NUP214: variants seen among roughly 807,000 people sequenced by gnomAD.
NUP214 encodes nucleoporin 214.
In NUP214, 79 loss-of-function variants were observed where a neutral mutation model predicts 196.2. That is an observed-to-expected ratio of 0.40 (90% CI 0.34 to 0.49). The LOEUF is 0.49. Ranked by LOEUF, NUP214 falls within the 20% of genes least tolerant of loss-of-function variation. NUP214 has a pLI of 0.58. For synonymous variants in NUP214, 1,020 were observed against 990.5 expected (o/e 1.03, Z -0.56); for missense variants, 2,468 against 2,539.0 (o/e 0.97, Z 0.60).
chr9:131,185,085 G>A (rs1833415692), intron 24 of NUP214, among the ~76,000 whole-genome samples: 1 of 152,160 alleles, frequency 6.6e-6, no homozygotes, highest in Admixed American at 6.5e-5. Flanking sequence ...AGAAGTTGAG[G>A]CTTTTTACAA....
At chr9:131,169,015 GCTTA>G (rs929039199) in intron 21 of NUP214, among the ~76,000 whole-genome samples, 4 of 144,822 alleles carry the variant, frequency 2.8e-5, no homozygotes, top group Non-Finnish European at 6.0e-5. Context: ...ATGGTATTCT[GCTTA>G]CTTTGTTTTT....
intron 11 of NUP214, 75 bp downstream of exon 11, chr9:131,140,785 GGT>G: frequency 7.0e-7 from 1 of 1,420,808 alleles, no homozygotes; most frequent in Non-Finnish European, 9.7e-7. Context: ...GAATGAACAT[GGT>G]GTGAAGACAC....
intron 4 of NUP214, among the ~76,000 whole-genome samples, chr9:131,130,318 A>G (rs1831509653): frequency 1.3e-5 from 2 of 150,972 alleles, no homozygotes; most frequent in Non-Finnish European, 3.0e-5. Flanking sequence ...TAATTTTTGT[A>G]TATTTTAGTA....
At chr9:131,164,451 G>A in intron 21 of NUP214, 2 of 309,238 alleles carry the variant, frequency 6.5e-6, no homozygotes, top group Non-Finnish European at 6.0e-6. Context: ...TTTGAGATAG[G>A]CTGAGCTGGA....
chr9:131,139,205 C>A (rs62580392), intron 9 of NUP214, 76 bp from the exon 10 acceptor site: 19,426 of 1,368,498 alleles, frequency 0.014, 182 homozygotes, highest in South Asian at 0.026. Context: ...TAGGAGGAAC[C>A]AATGCAAAGC....
chr9:131,171,716 A>G (rs540162747), intron 21 of NUP214, among the ~76,000 whole-genome samples: 1 of 151,758 alleles, frequency 6.6e-6, no homozygotes, highest in South Asian at 2.1e-4. Context: ...CCCGCACCCC[A>G]CAACAGTCCC....
chr9:131,164,231 G>A (rs1045242980), intron 21 of NUP214, 87 bp downstream of exon 21: 2 of 1,186,402 alleles, frequency 1.7e-6, no homozygotes, highest in East Asian at 2.3e-5. Flanking sequence ...ACGTGTGCAT[G>A]TGTGAGCTAG....
chr9:131,222,877 G>A lies in NUP214; in HGVS notation c.5849G>A (p.Gly1950Glu). Reference protein sequence around the residue: ...EQKPTGTFSSGGGSVASQGFG... With the variant: ...EQKPTGTFSSEGGSVASQGFG... The stretch of plus-strand genomic sequence containing the variant: ...AAACCCACTGGCACTTTCAGCTCTG[G>A]AGGAGGAAGTGTGGCATCCCAAGGC... The change falls in exon 32 of 36, where the codon GGA becomes GAA. Residue 1950 changes from glycine (G) to glutamate (E), a missense_variant. Coordinates refer to ENST00000359428, the MANE Select transcript of NUP214 (RefSeq NM_005085.4). The A allele has an allele frequency of 6.2e-7, 1 of 1,614,208 alleles. No individual in the cohort carries two copies. The highest frequency in any genetic ancestry group is 8.5e-7 in the Non-Finnish European group (1 of 1,180,044).
chr9:131,161,893 A>G (rs910552013), intron 18 of NUP214, among the ~76,000 whole-genome samples: 1 of 152,224 alleles, frequency 6.6e-6, no homozygotes, highest in Non-Finnish European at 1.5e-5. Flanking sequence ...CCTAGACCAC[A>G]GTACCATACA....
intron 34 of NUP214, among the ~76,000 whole-genome samples, chr9:131,231,169 A>G (rs1834865927): frequency 6.6e-6 from 1 of 152,074 alleles, no homozygotes; most frequent in Admixed American, 6.5e-5. Context: ...AATATGTAAC[A>G]TACTGAAAGT....
intron 2 of NUP214, among the ~76,000 whole-genome samples, chr9:131,128,000 A>G (rs1831415824): frequency 6.6e-6 from 1 of 152,102 alleles, no homozygotes; most frequent in Non-Finnish European, 1.5e-5. Context: ...TCTCTGGGTG[A>G]AGGGTTTTAT....
chr9:131,216,128 TCTC>T (rs1834386502), intron 31 of NUP214, among the ~76,000 whole-genome samples: 1 of 151,454 alleles, frequency 6.6e-6, no homozygotes, highest in Non-Finnish European at 1.5e-5. Context: ...GTCTCAAACT[TCTC>T]CGCCCGCCTC....
chr9:131,178,446 TGCTTCTGTAGTAGCGGTG>T (rs1240858605), intron 24 of NUP214, 36 bp downstream of exon 24: 4 of 1,500,526 alleles, frequency 2.7e-6, no homozygotes, highest in South Asian at 1.1e-5. Flanking sequence ...AGCCCCTGGC[TGCTTCTGTAGTAGCGGTG>T]GACTGCCTGC....
rs1380741590 is a variant in NUP214 at position 131,223,738 on chromosome 9, T to A, written c.5902+808T>A. On this transcript the variant is annotated intron_variant, in intron 32 of 35. Coordinates refer to ENST00000359428, the MANE Select transcript of NUP214 (RefSeq NM_005085.4). ...TTATTTATTTATTTATTTTTTTTTT[T>A]TTTTTTTTTTTTTTGAGACGGAGTC... Among the ~76,000 whole-genome samples, 101 of 38,526 alleles carry A rather than the reference T, an allele frequency of 2.6e-3. 4 individuals carry two copies. The highest frequency in any genetic ancestry group is 8.0e-3 in the Admixed American group (22 of 2,736). The allele number at this position is 38,526 out of a possible 152,430, so 25.3% of individuals were successfully genotyped here.
At chr9:131,171,404 A>G (rs1468055575) in intron 21 of NUP214, among the ~76,000 whole-genome samples, 2 of 152,158 alleles carry the variant, frequency 1.3e-5, no homozygotes, top group African/African-American at 4.8e-5. Context: ...AGGAACTACA[A>G]TAGGATTTTG....
intron 11 of NUP214, among the ~76,000 whole-genome samples, chr9:131,141,289 T>C (rs1210231814): frequency 6.6e-6 from 1 of 152,108 alleles, no homozygotes; most frequent in Non-Finnish European, 1.5e-5. Flanking sequence ...TTTTCTTGAC[T>C]TTTTTTCTCC....
At chr9:131,164,190 G>A (rs768429459) in intron 21 of NUP214, 46 bp downstream of exon 21, 3 of 1,577,334 alleles carry the variant, frequency 1.9e-6, no homozygotes, top group Non-Finnish European at 2.6e-6. Context: ...ATAGGGTGTG[G>A]TGGGGTGTGT....
At chr9:131,131,314 CTTG>C (rs375102501) in intron 5 of NUP214, among the ~76,000 whole-genome samples, 63 of 152,350 alleles carry the variant, frequency 4.1e-4, no homozygotes, top group African/African-American at 1.3e-3. Flanking sequence ...AATGGATACT[CTTG>C]TTGCATGTGC....
chr9:131,128,354 A>T lies in NUP214; in HGVS notation c.264A>T (p.Leu88=). Residue 88 remains leucine, a synonymous_variant, in exon 3 of 36, where the codon CTA becomes CTT. Transcript: ENST00000359428. Reference sequence around the variant, plus strand: ...TAGTTGATAAAGTCCAAGGCTTGCTAGTTCCTATGAAATTCCCAATCCATC... The same window carrying T: ...TAGTTGATAAAGTCCAAGGCTTGCTTGTTCCTATGAAATTCCCAATCCATC... The part of the protein sequence containing the change: ...NKIVDKVQGL[L]VPMKFPIHHL... 1 of 1,612,966 alleles carries T rather than the reference A, an allele frequency of 6.2e-7. No individual in the cohort carries two copies. The highest frequency in any genetic ancestry group is 8.5e-7 in the Non-Finnish European group (1 of 1,179,380).
Sources: gnomAD v4.1 joint callset for allele counts (sites outside exome capture counted in the v4.1 genomes callset) on GRCh38, gnomAD v4.1.1 for gene constraint, MANE v1.5 for transcripts, NCBI Gene and HGNC (gene_info 2026-07-23, HGNC 2026-07-21) for gene names.